PTN: variants seen among roughly 807,000 people sequenced by gnomAD.
PTN encodes the protein heparin affin regulatory protein.
A neutral mutation model predicts 24.1 loss-of-function variants in PTN; 18 were observed. The ratio of observed to expected loss-of-function variants is 0.75; its 90% CI spans 0.52 to 1.11. The LOEUF (loss-of-function observed/expected upper bound fraction) is 1.11, where lower values mean the gene tolerates loss of function less well. Among genes scored for constraint, PTN ranks in the 50% least tolerant of loss-of-function variants. The pLI, the probability that PTN is intolerant of heterozygous loss-of-function variation, is 0.00. For missense variants in PTN, 163 were observed against 198.8 expected (o/e 0.82, Z 1.08); for synonymous variants, 78 against 68.6 (o/e 1.14, Z -0.67).
intron 4 of PTN, among the ~76,000 whole-genome samples, chr7:137,236,504 AGAAAAC>A (rs1808524184): frequency 6.6e-6 from 1 of 152,106 alleles, no homozygotes; most frequent in Non-Finnish European, 1.5e-5. Flanking sequence ...ACAGAGAGAG[AGAAAAC>A]CACAGATGTG....
intron 1 of PTN, among the ~76,000 whole-genome samples, chr7:137,303,616 G>A (rs1809840323): frequency 6.6e-6 from 1 of 151,918 alleles, no homozygotes; most frequent in African/African-American, 2.4e-5. Context: ...AAATAAAATG[G>A]AAAAGTAACC....
At chr7:137,240,613 T>C (rs992148537) in intron 4 of PTN, among the ~76,000 whole-genome samples, 20 of 152,176 alleles carry the variant, frequency 1.3e-4, no homozygotes, top group Admixed American at 1.0e-3. Flanking sequence ...ACATAAGAAA[T>C]CATGGCCCAG....
In PTN at chr7:137,268,208, AC is replaced by A. The variant is rs200332744; in HGVS notation, c.-1-13235del. On this transcript the variant is annotated intron_variant, in intron 1 of 4. Transcript: ENST00000348225. The stretch of plus-strand genomic sequence containing the variant: ...AGGCATCCCACCGGGGCAAATGCCT[AC>A]CCGGGAGCGCTCTCAGGATCCGCGT... Among the ~76,000 whole-genome samples, 471 of 152,086 alleles carry A rather than the reference AC, an allele frequency of 3.1e-3. 1 individual carries two copies. Among genetic ancestry groups the A allele is most frequent in the South Asian group, 6.1e-3 (29 of 4,790 alleles).
At chr7:137,294,064 C>T (rs1022131990) in intron 1 of PTN, among the ~76,000 whole-genome samples, 2 of 152,042 alleles carry the variant, frequency 1.3e-5, no homozygotes, top group Non-Finnish European at 2.9e-5. Flanking sequence ...TTCTCTTTGT[C>T]CCCTTTTATT....
At chr7:137,314,407 A>G (rs1810035268) in intron 1 of PTN, among the ~76,000 whole-genome samples, 1 of 152,242 alleles carries the variant, frequency 6.6e-6, no homozygotes. Flanking sequence ...GTAGACATAT[A>G]TAAAAATATG....
intron 4 of PTN, among the ~76,000 whole-genome samples, chr7:137,247,156 A>G (rs1042583520): frequency 3.9e-5 from 6 of 152,158 alleles, no homozygotes; most frequent in African/African-American, 1.4e-4. Context: ...TAGTTAAATG[A>G]CTACTGCAGC....
chr7:137,325,179 C>CA (rs1266489611), intron 1 of PTN, among the ~76,000 whole-genome samples: 2 of 152,144 alleles, frequency 1.3e-5, no homozygotes, highest in African/African-American at 4.8e-5. Context: ...TGTTAAATGG[C>CA]TTTCTTAGAA....
intron 4 of PTN, among the ~76,000 whole-genome samples, chr7:137,241,883 A>AG (rs1808634874): frequency 6.6e-6 from 1 of 152,122 alleles, no homozygotes; most frequent in Admixed American, 6.5e-5. Flanking sequence ...CAACCTCTTC[A>AG]GGGGGCCTTC....
chr7:137,332,354 T>C (rs10227966), intron 1 of PTN, among the ~76,000 whole-genome samples: 58,746 of 151,926 alleles, frequency 0.39, 11,647 homozygotes, highest in South Asian at 0.47. Flanking sequence ...TCTTCAGGTA[T>C]ATTTGTGTTT....
intron 1 of PTN, among the ~76,000 whole-genome samples, chr7:137,272,913 C>T (rs368957771): frequency 6.6e-6 from 1 of 152,208 alleles, no homozygotes; most frequent in Admixed American, 6.5e-5. Context: ...TAACTCAAGT[C>T]ATGGACGCTT....
intron 1 of PTN, among the ~76,000 whole-genome samples, chr7:137,331,565 A>C (rs1431091): frequency 0.38 from 56,965 of 151,796 alleles, 11,028 homozygotes; most frequent in South Asian, 0.47. Flanking sequence ...ATTCCAAATA[A>C]TAACAGAGCA....
chr7:137,296,537 C>T (rs1809720695), intron 1 of PTN, among the ~76,000 whole-genome samples: 1 of 152,000 alleles, frequency 6.6e-6, no homozygotes, highest in Non-Finnish European at 1.5e-5. Context: ...ATATTATCTG[C>T]CTTTCCAATG....
chr7:137,292,416 T>C (rs322258), intron 1 of PTN, among the ~76,000 whole-genome samples: 147,915 of 152,236 alleles, frequency 0.97, 72,008 homozygotes, highest in East Asian at 1. Flanking sequence ...ACTGTTCTCA[T>C]GGTAGTGAAT....
At chr7:137,340,124 A>C (rs1400198161) in intron 1 of PTN, among the ~76,000 whole-genome samples, 4 of 152,236 alleles carry the variant, frequency 2.6e-5, no homozygotes, top group Non-Finnish European at 4.4e-5. Flanking sequence ...AATAAAGCCT[A>C]GAAAAATGAA....
intron 1 of PTN, among the ~76,000 whole-genome samples, chr7:137,308,907 C>T (rs1425255338): frequency 6.6e-6 from 1 of 152,162 alleles, no homozygotes; most frequent in Non-Finnish European, 1.5e-5. Flanking sequence ...AATTAAGTTA[C>T]CTCTAAACCT....
chr7:137,343,600 C>T lies in PTN; in HGVS notation c.-163G>A, dbSNP rs1278958239. 2 of 518,902 alleles carry T rather than the reference C, an allele frequency of 3.9e-6. No individual in the cohort carries two copies. The highest frequency in any genetic ancestry group is 3.8e-5 in the African/African-American group (2 of 51,952). The allele number at this position is 518,902 out of a possible 1,614,324, so 32.1% of individuals were successfully genotyped here. A position where few individuals can be genotyped will look rare whatever the true frequency, so the allele number is the denominator to read the frequency against. On this transcript the variant is annotated 5_prime_UTR_variant, in exon 1 of 5. Coordinates refer to ENST00000348225, the MANE Select transcript of PTN (RefSeq NM_002825.7). Reference sequence around the variant, plus strand: ...ATGACTCACTGGTCTCTTTCTTCCCCTCTCTCCACTTTGGATTTTCCTCTG... The same window carrying T: ...ATGACTCACTGGTCTCTTTCTTCCCTTCTCTCCACTTTGGATTTTCCTCTG...
intron 1 of PTN, among the ~76,000 whole-genome samples, chr7:137,278,499 C>A (rs2128875594): frequency 6.6e-6 from 1 of 151,954 alleles, no homozygotes; most frequent in East Asian, 1.9e-4. Context: ...TGAGAAAGAT[C>A]GTGTGGCTCT....
At chr7:137,308,602 G>A in intron 1 of PTN, among the ~76,000 whole-genome samples, 1 of 152,060 alleles carries the variant, frequency 6.6e-6, no homozygotes, top group Admixed American at 6.6e-5. Flanking sequence ...TTAATATCAG[G>A]GTAGGGTGAT....
At chr7:137,276,371 T>C (rs979735045) in intron 1 of PTN, among the ~76,000 whole-genome samples, 2 of 152,210 alleles carry the variant, frequency 1.3e-5, no homozygotes, top group Admixed American at 6.5e-5. Context: ...TGCAGCATCC[T>C]GAGATAAAGA....
Sources: gnomAD v4.1 joint callset for allele counts (sites outside exome capture counted in the v4.1 genomes callset) on GRCh38, gnomAD v4.1.1 for gene constraint, MANE v1.5 for transcripts, NCBI Gene and HGNC (gene_info 2026-07-23, HGNC 2026-07-21) for gene names.